The following ERBB4 variants were observed in gnomAD, a reference collection of about 807,000 sequenced individuals.
The protein encoded by ERBB4 is receptor tyrosine-protein kinase erbB-4.
Under a neutral mutation model 158.0 loss-of-function variants are expected in ERBB4, and 42 were observed. That is an observed-to-expected ratio of 0.27 (90% confidence interval 0.21 to 0.34). The LOEUF is 0.34. Among genes scored for constraint, ERBB4 ranks in the 10% least tolerant of loss-of-function variants. The pLI is 1.00. For synonymous variants in ERBB4, 583 were observed against 558.7 expected (o/e 1.04, Z -0.61); for missense variants, 1,333 against 1,624.1 (o/e 0.82, Z 3.08).
chr2:212,006,701 T>C (rs2076266923), intron 2 of ERBB4, among the ~76,000 whole-genome samples: 1 of 152,068 alleles, frequency 6.6e-6, no homozygotes. Context: ...TTTCAGATCA[T>C]GATAAGTATA....
chr2:211,566,036 A>G (rs1308255905), intron 19 of ERBB4, among the ~76,000 whole-genome samples: 1 of 152,208 alleles, frequency 6.6e-6, no homozygotes, highest in African/African-American at 2.4e-5. Context: ...CAGGACTGCA[A>G]CAAGATGATG....
chr2:212,131,474 G>A (rs1034863948), intron 1 of ERBB4, among the ~76,000 whole-genome samples: 28 of 152,138 alleles, frequency 1.8e-4, no homozygotes, highest in African/African-American at 6.3e-4. Context: ...AATAAGTACC[G>A]GGTTTCCAAA....
At chr2:212,298,454 G>A (rs952572050) in intron 1 of ERBB4, among the ~76,000 whole-genome samples, 4 of 151,604 alleles carry the variant, frequency 2.6e-5, no homozygotes, top group Admixed American at 2.6e-4. Flanking sequence ...AAACTCCAGA[G>A]TAGCTTCTCT....
intron 14 of ERBB4, among the ~76,000 whole-genome samples, chr2:211,671,791 C>T (rs2071851342): frequency 6.6e-6 from 1 of 152,106 alleles, no homozygotes; most frequent in Middle Eastern, 3.2e-3. Flanking sequence ...TCCCAACCTG[C>T]CTTAACAAGC....
intron 3 of ERBB4, among the ~76,000 whole-genome samples, chr2:211,811,558 C>T (rs1347931055): frequency 6.6e-6 from 1 of 152,068 alleles, no homozygotes; most frequent in East Asian, 1.9e-4. Flanking sequence ...TGAATGTTGG[C>T]CTGCCTTGCT....
chr2:212,162,601 CTTTA>C (rs200374552), intron 1 of ERBB4, among the ~76,000 whole-genome samples: 1,653 of 151,884 alleles, frequency 0.011, 15 homozygotes, highest in Non-Finnish European at 0.014. Flanking sequence ...AGATACTGAA[CTTTA>C]TTTAGTAGTA....
chr2:212,359,532 C>G (rs1313530329), intron 1 of ERBB4, among the ~76,000 whole-genome samples: 1 of 151,680 alleles, frequency 6.6e-6, no homozygotes, highest in East Asian at 1.9e-4. Flanking sequence ...GAGCAGAGGG[C>G]TGGCAAACAC....
chr2:211,861,133 T>TATATATTATATA (rs2078030939), intron 3 of ERBB4, among the ~76,000 whole-genome samples: 1 of 54,180 alleles, frequency 1.8e-5, no homozygotes, highest in African/African-American at 7.6e-5. Flanking sequence ...TTTATATATA[T>TATATATTATATA]ATATATATAT....
intron 15 of ERBB4, among the ~76,000 whole-genome samples, chr2:211,664,327 A>ATGTGTGTGTGTGTGTG (rs113835907): frequency 3.4e-5 from 5 of 148,842 alleles, no homozygotes; most frequent in African/African-American, 9.9e-5. Flanking sequence ...TCAACTACAA[A>ATGTGTGTGTGTGTGTG]TGTGTGTGTG....
chr2:212,468,288 CA>C (rs1387089173), intron 1 of ERBB4, among the ~76,000 whole-genome samples: 3 of 152,098 alleles, frequency 2.0e-5, no homozygotes, highest in East Asian at 1.9e-4. Context: ...TGGGAGGGGC[CA>C]GGGGTGGAAT....
chr2:211,659,754 G>C (rs1276504603), intron 15 of ERBB4, among the ~76,000 whole-genome samples: 1 of 152,074 alleles, frequency 6.6e-6, no homozygotes, highest in Non-Finnish European at 1.5e-5. Context: ...AGGAGCTAGA[G>C]GGAGAAAAAA....
At chr2:212,368,053 C>A (rs2089952624) in intron 1 of ERBB4, among the ~76,000 whole-genome samples, 1 of 152,090 alleles carries the variant, frequency 6.6e-6, no homozygotes, top group South Asian at 2.1e-4. Flanking sequence ...AGTAGAACTA[C>A]CATTTGATCC....
At chr2:211,704,002 C>A in intron 11 of ERBB4, 102 bp downstream of exon 11, 1 of 793,190 alleles carries the variant, frequency 1.3e-6, no homozygotes, top group East Asian at 2.4e-5. Flanking sequence ...CATGATTTCC[C>A]CAGAATCAGT....
intron 1 of ERBB4, among the ~76,000 whole-genome samples, chr2:212,244,605 C>T (rs758129304): frequency 3.0e-4 from 46 of 152,134 alleles, no homozygotes; most frequent in Non-Finnish European, 3.8e-4. Context: ...CCTTCTATTT[C>T]ACCATATGTT....
At chr2:212,290,508 T>C (rs886892497) in intron 1 of ERBB4, among the ~76,000 whole-genome samples, 1 of 152,162 alleles carries the variant, frequency 6.6e-6, no homozygotes, top group Admixed American at 6.5e-5. Context: ...ATAGATTCTG[T>C]GCCCTAGGGA....
intron 20 of ERBB4, among the ~76,000 whole-genome samples, chr2:211,493,875 G>A (rs2065406251): frequency 6.6e-6 from 1 of 152,066 alleles, no homozygotes; most frequent in African/African-American, 2.4e-5. Flanking sequence ...CTCAGAATCT[G>A]ATAAAAACAC....
At chr2:212,409,875 A>G (rs2091448601) in intron 1 of ERBB4, among the ~76,000 whole-genome samples, 1 of 152,092 alleles carries the variant, frequency 6.6e-6, no homozygotes, top group African/African-American at 2.4e-5. Context: ...CATCAAACAG[A>G]AATTTTAGGG....
intron 19 of ERBB4, among the ~76,000 whole-genome samples, chr2:211,587,925 T>A (rs994602506): frequency 6.6e-6 from 1 of 152,196 alleles, no homozygotes; most frequent in Non-Finnish European, 1.5e-5. Flanking sequence ...ATTGCGGCAT[T>A]GTTTGTAATA....
At chr2:212,394,842 A>T (rs754245246) in intron 1 of ERBB4, among the ~76,000 whole-genome samples, 3 of 152,166 alleles carry the variant, frequency 2.0e-5, no homozygotes, top group Non-Finnish European at 4.4e-5. Flanking sequence ...ATTTGGAAAT[A>T]CAGTTTAGTA....
Sources: gnomAD v4.1 joint callset for allele counts (sites outside exome capture counted in the v4.1 genomes callset) on GRCh38, gnomAD v4.1.1 for gene constraint, MANE v1.5 for transcripts, NCBI Gene and HGNC (gene_info 2026-07-23, HGNC 2026-07-21) for gene names.